Variants in GSE1 observed in about 807,000 individuals in gnomAD.
The protein encoded by GSE1 is genetic suppressor element 1.
GSE1 carries 32 observed loss-of-function variants against 112.6 expected under a neutral mutation model. The observed-to-expected ratio is 0.28, with a 90% confidence interval of 0.21 to 0.38. The LOEUF is 0.38. Among genes scored for constraint, GSE1 ranks in the 10% least tolerant of loss-of-function variants. GSE1 has a pLI of 1.00. For synonymous variants in GSE1, 1,115 were observed against 735.6 expected (o/e 1.52, Z -8.35); for missense variants, 2,348 against 1,699.2 (o/e 1.38, Z -6.71).
chr16:85,404,725 C>G (rs867210752), intron 2 of GSE1, among the ~76,000 whole-genome samples: 145 of 28,284 alleles, frequency 5.1e-3, no homozygotes, highest in Non-Finnish European at 2.7e-3. Flanking sequence ...TACACTCAGG[C>G]CCCCCGGATA....
intron 1 of GSE1, among the ~76,000 whole-genome samples, chr16:85,259,992 G>T: frequency 6.6e-6 from 1 of 152,238 alleles, no homozygotes; most frequent in East Asian, 1.9e-4. Context: ...GAGGCCTACC[G>T]CAAGGCTCAG....
At chr16:85,293,960 C>G (rs979515379) in intron 1 of GSE1, among the ~76,000 whole-genome samples, 2 of 152,220 alleles carry the variant, frequency 1.3e-5, no homozygotes, top group Non-Finnish European at 2.9e-5. Context: ...GACCTGAAGT[C>G]TCGGGAGCAA....
At chr16:85,556,054 A>G (rs1031270408) in exon 1 of GSE1, 118 of 984,454 alleles carry the variant, frequency 1.2e-4, no homozygotes, top group South Asian at 1.9e-4. Flanking sequence ...TTGGTCGTCA[A>G]TTACCTCATT....
At chr16:85,188,447 A>G (rs548339014) in intron 1 of GSE1, among the ~76,000 whole-genome samples, 1 of 152,244 alleles carries the variant, frequency 6.6e-6, no homozygotes, top group Non-Finnish European at 1.5e-5. Flanking sequence ...CCTAGACCTC[A>G]AAAACACAGG....
intron 11 of GSE1, among the ~76,000 whole-genome samples, chr16:85,663,815 C>CT (rs1282512898): frequency 4.6e-5 from 7 of 152,260 alleles, no homozygotes; most frequent in South Asian, 2.1e-4. Context: ...AGGCTTTGCT[C>CT]TGAGAGCCCC....
At chr16:85,325,797 C>T (rs1210563067) in intron 1 of GSE1, among the ~76,000 whole-genome samples, 17 of 148,810 alleles carry the variant, frequency 1.1e-4, no homozygotes, top group African/African-American at 3.8e-4. Context: ...CCCTCTGTCG[C>T]CCAGGCTGGA....
At chr16:85,516,210 G>C (rs901035683) in intron 2 of GSE1, among the ~76,000 whole-genome samples, 9 of 152,046 alleles carry the variant, frequency 5.9e-5, no homozygotes, top group Non-Finnish European at 1.0e-4. Context: ...GCCTGGGGAA[G>C]GGGGCGGAGC....
At chr16:85,492,055 C>A (rs2051026796) in intron 2 of GSE1, among the ~76,000 whole-genome samples, 1 of 152,192 alleles carries the variant, frequency 6.6e-6, no homozygotes, top group African/African-American at 2.4e-5. Flanking sequence ...CACGGGCAGC[C>A]AGGCCTGGAG....
In GSE1 at chr16:85,274,919, G is replaced by A. The variant is rs116800194; in HGVS notation, c.2284-82544G>A. 6.2e-3 allele frequency among the ~76,000 whole-genome samples: 941 copies of A among 152,314 alleles called. 10 individuals carry two copies. The highest frequency in any genetic ancestry group is 0.021 in the African/African-American group (892 of 41,574). ...CCCTCACTGCCCCTGTTCCAGTTCCGGCCCCTCCTGCTGTTCTTGGAGTGA... is the reference window on the plus strand; with the variant it reads ...CCCTCACTGCCCCTGTTCCAGTTCCAGCCCCTCCTGCTGTTCTTGGAGTGA... On this transcript the variant is annotated intron_variant, in intron 1 of 2. Transcript: ENST00000637419.
intron 13 of GSE1, 169 bp downstream of exon 13, chr16:85,666,516 T>C: frequency 1.5e-6 from 1 of 669,384 alleles, no homozygotes; most frequent in Non-Finnish European, 2.5e-6. Flanking sequence ...TTTGTTTGTT[T>C]ATCTCCAAGC....
At chr16:85,318,795 G>C (rs1456940102) in intron 1 of GSE1, among the ~76,000 whole-genome samples, 1 of 152,208 alleles carries the variant, frequency 6.6e-6, no homozygotes, top group East Asian at 1.9e-4. Flanking sequence ...ACTCCCCAAA[G>C]GTAGTGTCGC....
rs998471184 is a variant in GSE1, at chr16:85,191,061, C to G, written c.2283+19254C>G. On this transcript the variant is annotated intron_variant, in intron 1 of 2. Transcript: ENST00000637419. ...ATCGCTTTAGGCCATGAGTTCGACA[C>G]CAGCCTGGCCAACATGGTGAAACCC... Among the ~76,000 whole-genome samples the G allele has an allele frequency of 2.0e-5, 3 of 152,212 alleles. No individual in the cohort carries two copies. In the South Asian group the frequency reaches 6.2e-4, roughly 31 times the overall value.
At chr16:85,228,132 G>T (rs1259676340) in intron 1 of GSE1, among the ~76,000 whole-genome samples, 1 of 152,242 alleles carries the variant, frequency 6.6e-6, no homozygotes, top group East Asian at 1.9e-4. Flanking sequence ...CCCGAGGCAG[G>T]AGTGAGCCTG....
At chr16:85,248,218 C>T (rs1000730266) in intron 1 of GSE1, among the ~76,000 whole-genome samples, 2 of 152,190 alleles carry the variant, frequency 1.3e-5, no homozygotes, top group Non-Finnish European at 2.9e-5. Context: ...AGAGTCTTCA[C>T]AGCTGCCTAC....
At chr16:85,209,464 T>G (rs1388235336) in intron 1 of GSE1, among the ~76,000 whole-genome samples, 1 of 152,174 alleles carries the variant, frequency 6.6e-6, no homozygotes, top group Non-Finnish European at 1.5e-5. Context: ...TCTGCATCTC[T>G]TGTGGCCCCC....
chr16:85,403,261 G>A (rs777753085), intron 2 of GSE1, among the ~76,000 whole-genome samples: 10 of 152,164 alleles, frequency 6.6e-5, no homozygotes, highest in Non-Finnish European at 1.3e-4. Flanking sequence ...GTCTGTAACC[G>A]ACACCGGAAG....
chr16:85,313,699 G>T (rs2045913607), intron 1 of GSE1, among the ~76,000 whole-genome samples: 1 of 152,206 alleles, frequency 6.6e-6, no homozygotes, highest in African/African-American at 2.4e-5. Flanking sequence ...AGGCTGTGGG[G>T]AAGGAAGCCC....
chr16:85,651,218 G>C (rs1175104029), intron 3 of GSE1, among the ~76,000 whole-genome samples: 1 of 151,864 alleles, frequency 6.6e-6, no homozygotes, highest in African/African-American at 2.4e-5. Context: ...CCGCTATCGG[G>C]GTGCCTTTGG....
chr16:85,217,088 C>T (rs748800657), intron 1 of GSE1, among the ~76,000 whole-genome samples: 3 of 152,220 alleles, frequency 2.0e-5, no homozygotes, highest in African/African-American at 4.8e-5. Context: ...TAACCTTGGG[C>T]AACTGACTCA....
Sources: gnomAD v4.1 joint callset for allele counts (sites outside exome capture counted in the v4.1 genomes callset) on GRCh38, gnomAD v4.1.1 for gene constraint, MANE v1.5 for transcripts, NCBI Gene and HGNC (gene_info 2026-07-23, HGNC 2026-07-21) for gene names.